Variants in MGMT observed in about 807,000 individuals in gnomAD.
MGMT encodes O-6-methylguanine-DNA methyltransferase.
Under a neutral mutation model 15.9 loss-of-function variants are expected in MGMT, and 14 were observed. The ratio of observed to expected loss-of-function variants is 0.88; its 90% confidence interval spans 0.58 to 1.37. MGMT has a LOEUF of 1.37. Among genes scored for constraint, MGMT ranks in the 40% most tolerant of loss-of-function variants. The pLI, the probability that MGMT is intolerant of heterozygous loss-of-function variation, is 0.00. For missense variants in MGMT, 282 were observed against 268.1 expected, an observed-to-expected ratio of 1.05 and a Z score of -0.36; for synonymous variants, 130 against 118.2, an observed-to-expected ratio of 1.10 and a Z score of -0.65.
intron 1 of MGMT, among the ~76,000 whole-genome samples, chr10:129,483,303 G>T (rs897799325): frequency 6.6e-6 from 1 of 152,050 alleles, no homozygotes; most frequent in African/African-American, 2.4e-5. Context: ...CTTTTAAAGA[G>T]ATTTAAAAAA....
At chr10:129,632,779 C>G (rs1847225393) in intron 2 of MGMT, among the ~76,000 whole-genome samples, 1 of 151,640 alleles carries the variant, frequency 6.6e-6, no homozygotes, top group African/African-American at 2.4e-5. Flanking sequence ...CTGGGAGTGA[C>G]TGGGTGTCTT....
chr10:129,588,213 A>C (rs925147653), intron 2 of MGMT, among the ~76,000 whole-genome samples: 3 of 152,022 alleles, frequency 2.0e-5, no homozygotes, highest in Non-Finnish European at 4.4e-5. Context: ...CTTGAAAGAG[A>C]CTCGCAGCCT....
chr10:129,484,717 T>C (rs546165946), intron 1 of MGMT, among the ~76,000 whole-genome samples: 56 of 152,276 alleles, frequency 3.7e-4, no homozygotes, highest in African/African-American at 1.2e-3. Flanking sequence ...ATGTTGTCTT[T>C]TAAAAAACAG....
intron 2 of MGMT, among the ~76,000 whole-genome samples, chr10:129,690,200 A>T (rs975723417): frequency 6.6e-6 from 1 of 152,236 alleles, no homozygotes; most frequent in African/African-American, 2.4e-5. Context: ...CATGTGTCTT[A>T]AGTGGTTAAG....
At chr10:129,551,294 C>T (rs1846153715) in intron 2 of MGMT, among the ~76,000 whole-genome samples, 2 of 152,186 alleles carry the variant, frequency 1.3e-5, no homozygotes, top group East Asian at 1.9e-4. Flanking sequence ...AACCATTTGG[C>T]TTTTTGTACC....
chr10:129,604,162 T>C (rs1228780778), intron 2 of MGMT, among the ~76,000 whole-genome samples: 1 of 152,186 alleles, frequency 6.6e-6, no homozygotes, highest in African/African-American at 2.4e-5. Context: ...CTCCTCCTTG[T>C]TTGCATGATT....
At chr10:129,486,520 G>A (rs765997803) in intron 1 of MGMT, among the ~76,000 whole-genome samples, 3 of 152,020 alleles carry the variant, frequency 2.0e-5, no homozygotes, top group African/African-American at 4.8e-5. Context: ...CTTTTTGGTC[G>A]TTCAGCTCAT....
chr10:129,710,842 A>G (rs1011543956), intron 3 of MGMT, among the ~76,000 whole-genome samples: 1 of 152,222 alleles, frequency 6.6e-6, no homozygotes, highest in Non-Finnish European at 1.5e-5. Context: ...GTAACATGGA[A>G]TGAACATTTC....
At chr10:129,578,251 C>T (rs1239982011) in intron 2 of MGMT, among the ~76,000 whole-genome samples, 1 of 152,136 alleles carries the variant, frequency 6.6e-6, no homozygotes, top group East Asian at 1.9e-4. Flanking sequence ...TATTGCAGCA[C>T]TATTCACAAT....
chr10:129,757,059 AAC>A (rs1285401485), intron 3 of MGMT, among the ~76,000 whole-genome samples: 14 of 152,190 alleles, frequency 9.2e-5, no homozygotes, highest in Non-Finnish European at 1.2e-4. Flanking sequence ...TGCAGGGTGA[AAC>A]AGAGTTTTCA....
intron 2 of MGMT, among the ~76,000 whole-genome samples, chr10:129,598,047 G>A (rs2133058968): frequency 6.6e-6 from 1 of 152,180 alleles, no homozygotes; most frequent in East Asian, 1.9e-4. Context: ...GGTCCACCAT[G>A]TGGAAGTGCT....
intron 1 of MGMT, among the ~76,000 whole-genome samples, chr10:129,524,457 A>G (rs1845846854): frequency 6.6e-6 from 1 of 152,042 alleles, no homozygotes; most frequent in African/African-American, 2.4e-5. Flanking sequence ...ACACTGGGAC[A>G]TTGATGTCAT....
At chr10:129,727,195 C>T (rs979712660) in intron 3 of MGMT, among the ~76,000 whole-genome samples, 2 of 152,200 alleles carry the variant, frequency 1.3e-5, no homozygotes, top group African/African-American at 2.4e-5. Context: ...CCCCAAGCTA[C>T]AGCAGGATAT....
At chr10:129,523,458 G>C (rs1312929277) in intron 1 of MGMT, among the ~76,000 whole-genome samples, 1 of 152,132 alleles carries the variant, frequency 6.6e-6, no homozygotes, top group African/African-American at 2.4e-5. Flanking sequence ...TGATTCAATC[G>C]GGCATGAGAC....
chr10:129,484,362 G>A (rs1466519620), intron 1 of MGMT, among the ~76,000 whole-genome samples: 1 of 152,024 alleles, frequency 6.6e-6, no homozygotes, highest in Admixed American at 6.6e-5. Flanking sequence ...TCTCATTGTT[G>A]CTATTTTTTC....
chr10:129,472,535 G>A (rs1845244238), intron 1 of MGMT, among the ~76,000 whole-genome samples: 1 of 152,148 alleles, frequency 6.6e-6, no homozygotes, highest in South Asian at 2.1e-4. Flanking sequence ...AGCCCTCACT[G>A]GGGGCATGTG....
intron 2 of MGMT, among the ~76,000 whole-genome samples, chr10:129,590,150 C>T (rs1846665805): frequency 1.3e-5 from 2 of 152,312 alleles, no homozygotes; most frequent in East Asian, 1.9e-4. Flanking sequence ...TGCCGCAGGC[C>T]CACATTCTCT....
At chr10:129,757,338 GC>G (rs1848818546) in intron 3 of MGMT, among the ~76,000 whole-genome samples, 1 of 152,170 alleles carries the variant, frequency 6.6e-6, no homozygotes, top group Non-Finnish European at 1.5e-5. Flanking sequence ...CTCAGATGAG[GC>G]CCTTGGAACC....
intron 3 of MGMT, among the ~76,000 whole-genome samples, chr10:129,732,537 C>CT (rs969719957): frequency 1.5e-3 from 229 of 148,900 alleles, no homozygotes; most frequent in African/African-American, 4.2e-3. Flanking sequence ...GCCACATTTT[C>CT]TTTTTTTTTG....
Sources: gnomAD v4.1 joint callset for allele counts (sites outside exome capture counted in the v4.1 genomes callset) on GRCh38, gnomAD v4.1.1 for gene constraint, MANE v1.5 for transcripts, NCBI Gene and HGNC (gene_info 2026-07-23, HGNC 2026-07-21) for gene names.